The following TTC33 variants were observed in gnomAD, a reference collection of about 807,000 sequenced individuals.
TTC33 encodes the protein tetratricopeptide repeat domain 33.
A neutral mutation model predicts 29.4 loss-of-function variants in TTC33; 24 were observed. That is an observed-to-expected ratio of 0.82 (90% CI 0.59 to 1.15). TTC33 has a LOEUF of 1.15. TTC33 is among the 50% of genes most tolerant of loss of function. The pLI is 0.00. For missense variants in TTC33, 286 were observed against 310.4 expected (o/e 0.92, Z 0.59); for synonymous variants, 107 against 100.3 (o/e 1.07, Z -0.40).
intron 1 of TTC33, 24 bp from the exon 2 acceptor site, chr5:40,747,043 T>C (rs1041173534): frequency 5.7e-6 from 9 of 1,585,806 alleles, no homozygotes; most frequent in African/African-American, 2.7e-5. Context: ...AAGAAACAGC[T>C]TTAAAATTCT....
rs975661410 is a variant in TTC33 at position 40,722,844 on chromosome 5, G to T, written c.435+5501C>A. On this transcript the variant is annotated intron_variant, in intron 4 of 4. Transcript: ENST00000337702. Reference sequence around the variant, plus strand: ...GGGCGCAGCCCCCACCCGGCCAGCTGCCCCGTCCGGGAGGTGGGGGGCGCC... The same window carrying T: ...GGGCGCAGCCCCCACCCGGCCAGCTTCCCCGTCCGGGAGGTGGGGGGCGCC... 4.0e-5 allele frequency among the ~76,000 whole-genome samples: 6 copies of T among 149,238 alleles called. No individual in the cohort carries two copies. In the East Asian group the frequency reaches 1.0e-3, roughly 26 times the overall value.
rs1741980788 is a variant in TTC33, at chr5:40,715,561, T to G, written c.*584A>C. 6.6e-6 allele frequency: 1 copy of G among 152,322 alleles called. No individual in the cohort carries two copies. 9.4% of individuals were successfully genotyped at this position (152,322 alleles called of 1,614,324 possible). On this transcript the variant is annotated 3_prime_UTR_variant, in exon 5 of 5. Transcript: ENST00000337702. ...TCAAAACAGAAACACAAATCAGAAT[T>G]AAGAGAAACTTCAGAAAATGTTCAG...
intron 1 of TTC33, among the ~76,000 whole-genome samples, chr5:40,750,207 A>G (rs183948883): frequency 1.3e-5 from 2 of 152,244 alleles, no homozygotes; most frequent in African/African-American, 2.4e-5. Context: ...TTTTTCCTCA[A>G]TGTTGATGGC....
intron 2 of TTC33, among the ~76,000 whole-genome samples, chr5:40,739,619 T>C (rs1742651100): frequency 6.6e-6 from 1 of 152,200 alleles, no homozygotes; most frequent in Admixed American, 6.5e-5. Context: ...TGCTGGCTCC[T>C]ACCTTTGCCT....
intron 2 of TTC33, among the ~76,000 whole-genome samples, chr5:40,739,085 T>C (rs1446805320): frequency 6.6e-6 from 1 of 152,192 alleles, no homozygotes; most frequent in African/African-American, 2.4e-5. Context: ...CATTTCTGTA[T>C]CATATATTAT....
intron 2 of TTC33, among the ~76,000 whole-genome samples, chr5:40,732,674 T>C (rs1474260800): frequency 6.6e-6 from 1 of 151,938 alleles, no homozygotes. Context: ...AGTGGCATGA[T>C]CTCAGCTCAC....
At chr5:40,737,274 T>G (rs1742573147) in intron 2 of TTC33, among the ~76,000 whole-genome samples, 1 of 150,490 alleles carries the variant, frequency 6.6e-6, no homozygotes, top group Admixed American at 6.7e-5. Context: ...TCCAGCCGCC[T>G]GGGCAACAGA....
intron 2 of TTC33, among the ~76,000 whole-genome samples, chr5:40,731,399 C>T (rs1742424387): frequency 6.6e-6 from 1 of 152,132 alleles, no homozygotes; most frequent in South Asian, 2.1e-4. Context: ...AGTTCACTCT[C>T]ACGCTGCAAT....
chr5:40,723,133 C>A lies in TTC33; in HGVS notation c.435+5212G>T, dbSNP rs1219205288. Reference sequence around the variant, plus strand: ...GGGATGCTGTTAATCTATAACCTTACCCCCAACCCCGTGCTCTCTGAAACA... The same window carrying A: ...GGGATGCTGTTAATCTATAACCTTAACCCCAACCCCGTGCTCTCTGAAACA... On this transcript the variant is annotated intron_variant, in intron 4 of 4. Transcript: ENST00000337702. Among the ~76,000 whole-genome samples, 10 of 152,156 alleles carry A rather than the reference C, an allele frequency of 6.6e-5. No individual in the cohort carries two copies. The South Asian group carries it at 2.1e-3, about 32-fold the overall frequency.
chr5:40,719,048 T>C (rs1437085089), intron 4 of TTC33, among the ~76,000 whole-genome samples: 1 of 152,214 alleles, frequency 6.6e-6, no homozygotes, highest in Non-Finnish European at 1.5e-5. Context: ...TTAGGAAACA[T>C]TAAAAGGTAT....
chr5:40,743,415 A>G (rs77394428), intron 2 of TTC33, among the ~76,000 whole-genome samples: 10,612 of 152,122 alleles, frequency 0.07, 401 homozygotes, highest in Non-Finnish European at 0.077. Context: ...GGGACTCAGT[A>G]TTTTTTTTAA....
At chr5:40,732,983 A>T (rs1018468224) in intron 2 of TTC33, among the ~76,000 whole-genome samples, 3 of 152,172 alleles carry the variant, frequency 2.0e-5, no homozygotes, top group Non-Finnish European at 4.4e-5. Context: ...CAGCATATAA[A>T]GCAAGAAAAG....
At chr5:40,729,729 C>T (rs1008178859) in intron 3 of TTC33, among the ~76,000 whole-genome samples, 2 of 152,064 alleles carry the variant, frequency 1.3e-5, no homozygotes, top group African/African-American at 2.4e-5. Flanking sequence ...GATGGAGTCT[C>T]GCTGTGTCAC....
At chr5:40,749,258 C>T (rs1742852660) in intron 1 of TTC33, among the ~76,000 whole-genome samples, 1 of 152,032 alleles carries the variant, frequency 6.6e-6, no homozygotes, top group South Asian at 2.1e-4. Context: ...ACTGAGGGAT[C>T]CAAAAATTTA....
intron 2 of TTC33, among the ~76,000 whole-genome samples, chr5:40,736,282 A>G (rs1251982414): frequency 6.6e-6 from 1 of 152,264 alleles, no homozygotes; most frequent in African/African-American, 2.4e-5. Context: ...AACCACTGTC[A>G]TTAAATATAC....
At position 40,716,083 on chromosome 5, in the gene TTC33, C is replaced by G. The variant is rs570236469; in HGVS notation, c.*62G>C. The G allele has an allele frequency of 5.7e-5, 78 of 1,368,558 alleles. No homozygotes were observed. In the South Asian group the frequency reaches 1.1e-3, roughly 20 times the overall value. The allele number at this position is 1,368,558 out of a possible 1,614,324, so 84.8% of individuals were successfully genotyped here. ...CTATCTATCTCCAGAGTAAATGTCT[C>G]TATGTCAAAACTTCAAGAGGCAATC... On this transcript the variant is annotated 3_prime_UTR_variant, in exon 5 of 5. Coordinates refer to ENST00000337702, the MANE Select transcript of TTC33 (RefSeq NM_012382.3).
At chr5:40,726,027 C>T (rs1377402459) in intron 4 of TTC33, among the ~76,000 whole-genome samples, 2 of 151,556 alleles carry the variant, frequency 1.3e-5, no homozygotes, top group Admixed American at 6.6e-5. Flanking sequence ...CCTTGTGATC[C>T]GCCCGCCTCG....
chr5:40,753,767 C>G (rs114609442), intron 1 of TTC33, among the ~76,000 whole-genome samples: 1 of 152,156 alleles, frequency 6.6e-6, no homozygotes, highest in African/African-American at 2.4e-5. Flanking sequence ...ATGATGACCA[C>G]GTTTTCCGGT....
At chr5:40,729,150 G>T (rs1742364829) in intron 3 of TTC33, among the ~76,000 whole-genome samples, 1 of 152,096 alleles carries the variant, frequency 6.6e-6, no homozygotes, top group Non-Finnish European at 1.5e-5. Context: ...CATAAAGCTT[G>T]CCACAAACCT....
Sources: allele counts gnomAD v4.1 joint callset (sites outside exome capture counted in the v4.1 genomes callset), GRCh38; gene constraint gnomAD v4.1.1; transcripts MANE v1.5; gene names NCBI Gene and HGNC (gene_info 2026-07-23, HGNC 2026-07-21).